The following DOCK1 variants were observed in gnomAD, a reference collection of about 807,000 sequenced individuals.
The protein encoded by DOCK1 is dedicator of cytokinesis 1.
A neutral mutation model predicts 262.7 loss-of-function variants in DOCK1; 138 were observed. The ratio of observed to expected loss-of-function variants is 0.53; its 90% CI spans 0.46 to 0.61. DOCK1 has a LOEUF of 0.61. DOCK1 is among the 20% of genes least tolerant of loss of function. The pLI, the probability that DOCK1 is intolerant of heterozygous loss-of-function variation, is 0.00. For synonymous variants in DOCK1, 866 were observed against 867.4 expected, an observed-to-expected ratio of 1.00 and a Z score of 0.03; for missense variants, 1,908 against 2,370.7, an observed-to-expected ratio of 0.80 and a Z score of 4.05.
At chr10:127,441,500 T>C (rs1415395007) in intron 49 of DOCK1, among the ~76,000 whole-genome samples, 1 of 152,204 alleles carries the variant, frequency 6.6e-6, no homozygotes. Context: ...CCCAGCAACC[T>C]GTCTGTCTAC....
At chr10:127,364,353 T>C (rs941584076) in intron 33 of DOCK1, among the ~76,000 whole-genome samples, 2 of 152,144 alleles carry the variant, frequency 1.3e-5, no homozygotes, top group Admixed American at 1.3e-4. Context: ...TTTGCTCCAC[T>C]AGGCAGTTTT....
chr10:126,932,976 G>A (rs2034298026), intron 1 of DOCK1, among the ~76,000 whole-genome samples: 1 of 151,970 alleles, frequency 6.6e-6, no homozygotes, highest in South Asian at 2.1e-4. Context: ...CCATAGGTTG[G>A]CCTGGATATA....
intron 24 of DOCK1, among the ~76,000 whole-genome samples, chr10:127,110,033 G>A (rs2136244878): frequency 6.6e-6 from 1 of 152,088 alleles, no homozygotes; most frequent in Middle Eastern, 3.4e-3. Context: ...CTGTCTTTTG[G>A]ATTATAGGCA....
At chr10:127,131,732 G>A (rs928977301) in intron 27 of DOCK1, among the ~76,000 whole-genome samples, 1 of 152,162 alleles carries the variant, frequency 6.6e-6, no homozygotes. Context: ...CCCTGACAAG[G>A]TGGACAAAAA....
At chr10:127,215,824 AC>A (rs986234957) in intron 27 of DOCK1, among the ~76,000 whole-genome samples, 3 of 150,916 alleles carry the variant, frequency 2.0e-5, no homozygotes, top group East Asian at 3.9e-4. Context: ...AGCAAACAAC[AC>A]CCCCCCTCAC....
chr10:127,289,175 C>T (rs534712329), intron 29 of DOCK1, among the ~76,000 whole-genome samples: 3 of 152,224 alleles, frequency 2.0e-5, no homozygotes, highest in East Asian at 1.9e-4. Context: ...CACACAGATG[C>T]GTGCAAACAC....
intron 1 of DOCK1, among the ~76,000 whole-genome samples, chr10:126,920,109 T>TAAA (rs1352387971): frequency 6.6e-6 from 1 of 152,166 alleles, no homozygotes; most frequent in Non-Finnish European, 1.5e-5. Context: ...CTTCCTGAGC[T>TAAA]AAAATGGGTG....
intron 29 of DOCK1, among the ~76,000 whole-genome samples, chr10:127,284,665 T>A (rs769213658): frequency 6.6e-6 from 1 of 152,160 alleles, no homozygotes; most frequent in Non-Finnish European, 1.5e-5. Flanking sequence ...AGTGGGAAGA[T>A]CACTTGAGGG....
intron 6 of DOCK1, among the ~76,000 whole-genome samples, chr10:126,993,483 G>A (rs1402354317): frequency 2.0e-5 from 3 of 152,202 alleles, no homozygotes; most frequent in East Asian, 1.9e-4. Flanking sequence ...GTACCAGCAC[G>A]TTCCTAGGGG....
chr10:127,172,643 C>A (rs1564865888), intron 27 of DOCK1, among the ~76,000 whole-genome samples: 2 of 152,284 alleles, frequency 1.3e-5, no homozygotes, highest in East Asian at 3.9e-4. Context: ...CTATCTGAGT[C>A]CAGAGGGCTC....
chr10:127,187,354 T>A (rs2134046058), intron 27 of DOCK1, among the ~76,000 whole-genome samples: 1 of 152,332 alleles, frequency 6.6e-6, no homozygotes, highest in Non-Finnish European at 1.5e-5. Context: ...GAGTAAGCAG[T>A]ACTGATGATC....
At chr10:127,380,234 T>C (rs1467688576) in intron 36 of DOCK1, 112 bp downstream of exon 36, 1 of 883,748 alleles carries the variant, frequency 1.1e-6, no homozygotes, top group Non-Finnish European at 1.7e-6. Flanking sequence ...TTGTAGAAAA[T>C]TGTGAAACGT....
chr10:127,084,967 G>GC (rs2047111582), intron 23 of DOCK1, among the ~76,000 whole-genome samples: 1 of 152,200 alleles, frequency 6.6e-6, no homozygotes, highest in Non-Finnish European at 1.5e-5. Context: ...TGGAAATCTT[G>GC]CCTTTATTCC....
At chr10:127,079,968 A>AT (rs918380263) in intron 23 of DOCK1, among the ~76,000 whole-genome samples, 32 of 150,756 alleles carry the variant, frequency 2.1e-4, no homozygotes, top group East Asian at 7.8e-4. Context: ...TCCCTAGCTC[A>AT]TTTTTTTTTG....
intron 1 of DOCK1, among the ~76,000 whole-genome samples, chr10:126,940,734 A>G (rs2034921323): frequency 1.3e-5 from 2 of 152,196 alleles, no homozygotes; most frequent in African/African-American, 4.8e-5. Context: ...ACAAACTCTC[A>G]GTTCAAATAA....
At chr10:127,205,437 G>A (rs952691907) in intron 27 of DOCK1, among the ~76,000 whole-genome samples, 2 of 152,120 alleles carry the variant, frequency 1.3e-5, no homozygotes, top group South Asian at 2.1e-4. Context: ...TGATGCATTC[G>A]ATTTGATATT....
At chr10:127,019,182 C>T (rs372195766) in intron 13 of DOCK1, among the ~76,000 whole-genome samples, 12 of 152,138 alleles carry the variant, frequency 7.9e-5, no homozygotes, top group African/African-American at 2.7e-4. Flanking sequence ...GGGCAAATGG[C>T]AGGGTTGGAT....
intron 10 of DOCK1, among the ~76,000 whole-genome samples, chr10:127,002,479 T>TGG (rs1216577944): frequency 6.6e-6 from 1 of 152,208 alleles, no homozygotes; most frequent in Non-Finnish European, 1.5e-5. Flanking sequence ...TACTAATGGA[T>TGG]GGAGAGGGTG....
chr10:127,098,501 C>T (rs1292072217), intron 23 of DOCK1, among the ~76,000 whole-genome samples: 1 of 152,186 alleles, frequency 6.6e-6, no homozygotes, highest in African/African-American at 2.4e-5. Flanking sequence ...GAGCTTATCA[C>T]ATGCACAACA....
Sources: allele counts gnomAD v4.1 joint callset (sites outside exome capture counted in the v4.1 genomes callset), GRCh38; gene constraint gnomAD v4.1.1; transcripts MANE v1.5; gene names NCBI Gene and HGNC (gene_info 2026-07-23, HGNC 2026-07-21).